Variants in KIAA1958 observed in about 807,000 individuals in gnomAD.
KIAA1958 encodes the protein uncharacterized protein KIAA1958.
KIAA1958 carries 14 observed loss-of-function variants against 47.2 expected under a neutral mutation model. The observed-to-expected ratio is 0.30, with a 90% confidence interval of 0.20 to 0.46. The LOEUF (loss-of-function observed/expected upper bound fraction) is 0.46. Ranked by LOEUF, KIAA1958 falls within the 20% of genes least tolerant of loss-of-function variation. The pLI is 1.00. For missense variants in KIAA1958, 803 were observed against 909.2 expected, an observed-to-expected ratio of 0.88 and a Z score of 1.50; for synonymous variants, 354 against 353.3, an observed-to-expected ratio of 1.00 and a Z score of -0.02.
At position 112,667,691 on chromosome 9, in the gene KIAA1958, A is replaced by G. The variant is rs1004255474; in HGVS notation, c.*7622A>G. 2 of 152,238 alleles carry G rather than the reference A, an allele frequency of 1.3e-5. No homozygotes were observed. Among genetic ancestry groups the G allele is most frequent in the African/African-American group, 2.4e-5 (1 of 41,460 alleles). 9.4% of individuals were successfully genotyped at this position (152,238 alleles called of 1,614,324 possible). On this transcript the variant is annotated 3_prime_UTR_variant, in exon 4 of 4. Transcript: ENST00000337530. Reference sequence around the variant, plus strand: ...GAAACAATAGAGAATTGTGAGGGGGAAAAGTTGTGACTTTGGAATTTTATA... The same window carrying G: ...GAAACAATAGAGAATTGTGAGGGGGGAAAGTTGTGACTTTGGAATTTTATA...
intron 2 of KIAA1958, among the ~76,000 whole-genome samples, chr9:112,638,085 T>G (rs1728215175): frequency 6.6e-6 from 1 of 151,574 alleles, no homozygotes; most frequent in South Asian, 2.1e-4. Context: ...AGAGGCAAAG[T>G]TTGCAGTGAG....
At chr9:112,508,608 C>T (rs1834272831) in intron 1 of KIAA1958, among the ~76,000 whole-genome samples, 1 of 152,182 alleles carries the variant, frequency 6.6e-6, no homozygotes, top group East Asian at 1.9e-4. Context: ...CACTGCTTTG[C>T]TTCAATAGAT....
chr9:112,637,441 G>A (rs933579888), intron 2 of KIAA1958, among the ~76,000 whole-genome samples: 11 of 151,938 alleles, frequency 7.2e-5, no homozygotes, highest in Non-Finnish European at 1.5e-4. Flanking sequence ...GAGTGAAGTG[G>A]CGCAATCTCA....
chr9:112,490,433 A>G (rs1833949410), intron 1 of KIAA1958, among the ~76,000 whole-genome samples: 1 of 152,146 alleles, frequency 6.6e-6, no homozygotes, highest in Non-Finnish European at 1.5e-5. Context: ...TAGTTGATTT[A>G]TGGACTTTAT....
intron 3 of KIAA1958, among the ~76,000 whole-genome samples, chr9:112,658,076 T>C (rs1414638250): frequency 1.3e-5 from 2 of 152,110 alleles, no homozygotes; most frequent in Admixed American, 1.3e-4. Flanking sequence ...AGGCTGGTCT[T>C]GAACTCCTGA....
intron 3 of KIAA1958, among the ~76,000 whole-genome samples, chr9:112,648,515 C>T (rs1837012610): frequency 6.6e-6 from 1 of 152,170 alleles, no homozygotes; most frequent in Non-Finnish European, 1.5e-5. Context: ...TTAGAGGGAA[C>T]AGTACTTGGC....
chr9:112,582,589 A>C lies in KIAA1958; in HGVS notation c.1171+7338A>C, dbSNP rs149107574. 236 of 155,936 alleles carry C rather than the reference A, an allele frequency of 1.5e-3. 1 individual carries two copies. Among genetic ancestry groups the C allele is most frequent in the South Asian group, 2.4e-3 (12 of 4,936 alleles). The allele number at this position is 155,936 out of a possible 1,614,324, so 9.7% of individuals were successfully genotyped here. Reference sequence around the variant, plus strand: ...GTCTTACTCGCCATCCACACGTGGGATCTAGAGGACAAAGGACTATATTAG... The same window carrying C: ...GTCTTACTCGCCATCCACACGTGGGCTCTAGAGGACAAAGGACTATATTAG... On this transcript the variant is annotated intron_variant, in intron 2 of 3. Transcript: ENST00000337530.
chr9:112,658,447 C>A (rs929271731), intron 3 of KIAA1958, among the ~76,000 whole-genome samples: 7 of 152,086 alleles, frequency 4.6e-5, no homozygotes, highest in Admixed American at 4.6e-4. Context: ...AAATGATTTG[C>A]AAACAAAGAA....
chr9:112,627,498 A>G (rs1476537659), intron 2 of KIAA1958, among the ~76,000 whole-genome samples: 1 of 152,230 alleles, frequency 6.6e-6, no homozygotes, highest in Non-Finnish European at 1.5e-5. Context: ...TCACACCTGC[A>G]TTCCCAGCAC....
At chr9:112,493,799 T>C (rs186933542) in intron 1 of KIAA1958, among the ~76,000 whole-genome samples, 17 of 152,362 alleles carry the variant, frequency 1.1e-4, no homozygotes, top group Admixed American at 9.1e-4. Flanking sequence ...TGAATAAAAA[T>C]ACTTGACTCA....
chr9:112,606,741 A>G (rs1836243163), intron 2 of KIAA1958, among the ~76,000 whole-genome samples: 3 of 152,218 alleles, frequency 2.0e-5, no homozygotes, highest in Admixed American at 2.0e-4. Context: ...GAACACCCAG[A>G]TCTTCAGGAT....
chr9:112,563,099 A>ATATG (rs35195735), intron 1 of KIAA1958, among the ~76,000 whole-genome samples: 5 of 146,670 alleles, frequency 3.4e-5, no homozygotes, highest in Non-Finnish European at 7.5e-5. Flanking sequence ...ATATATATAT[A>ATATG]AATTTTTTTT....
chr9:112,612,435 A>T (rs1836342558), intron 2 of KIAA1958, among the ~76,000 whole-genome samples: 1 of 152,130 alleles, frequency 6.6e-6, no homozygotes. Flanking sequence ...ATGAATTAAG[A>T]CTAAATATGA....
chr9:112,604,565 T>G (rs948184854), intron 2 of KIAA1958, among the ~76,000 whole-genome samples: 1 of 152,202 alleles, frequency 6.6e-6, no homozygotes, highest in Admixed American at 6.5e-5. Flanking sequence ...TCTTCCTGTT[T>G]ATAAGCAAAA....
At chr9:112,509,568 T>A (rs1834289830) in intron 1 of KIAA1958, among the ~76,000 whole-genome samples, 1 of 152,136 alleles carries the variant, frequency 6.6e-6, no homozygotes, top group Non-Finnish European at 1.5e-5. Flanking sequence ...TTATCACCAT[T>A]GTTTGGGAGG....
At chr9:112,659,220 TGTGA>T (rs1837214124) in intron 3 of KIAA1958, 39 bp from the exon 4 acceptor site, 1 of 1,530,848 alleles carries the variant, frequency 6.5e-7, no homozygotes, top group Non-Finnish European at 8.9e-7. Context: ...GGTCTGGCTG[TGTGA>T]GTGTCAAGTG....
Position 112,661,420 on chromosome 9 carries a change from A to G in KIAA1958, c.*1351A>G, listed in dbSNP as rs944289369. ...TAATTTCTAGGGACCTTGACTTTGC[A>G]TTTGAGGAAAATCTTGTGTAACTTT... On this transcript the variant is annotated 3_prime_UTR_variant, in exon 4 of 4. Transcript: ENST00000337530. 1.5e-4 allele frequency: 23 copies of G among 152,212 alleles called. No homozygotes were observed. The highest frequency in any genetic ancestry group is 5.3e-4 in the African/African-American group (22 of 41,454). 9.4% of individuals were successfully genotyped at this position (152,212 alleles called of 1,614,324 possible).
chr9:112,539,458 A>G (rs755734095), intron 1 of KIAA1958, among the ~76,000 whole-genome samples: 1 of 152,200 alleles, frequency 6.6e-6, no homozygotes, highest in East Asian at 1.9e-4. Flanking sequence ...TTTTCATGAA[A>G]TGGGTAGCAT....
intron 2 of KIAA1958, among the ~76,000 whole-genome samples, chr9:112,625,927 A>G (rs1368942543): frequency 1.3e-5 from 2 of 152,228 alleles, no homozygotes; most frequent in South Asian, 2.1e-4. Flanking sequence ...GTTATAGATT[A>G]TGAACAAAAA....
Sources: gnomAD v4.1 joint callset for allele counts (sites outside exome capture counted in the v4.1 genomes callset) on GRCh38, gnomAD v4.1.1 for gene constraint, MANE v1.5 for transcripts, NCBI Gene and HGNC (gene_info 2026-07-23, HGNC 2026-07-21) for gene names.